CLUH: variants seen among roughly 807,000 people sequenced by gnomAD.
CLUH encodes the protein CLUH binding protein of NUMT mRNA.
In CLUH, 77 loss-of-function variants were observed where a neutral mutation model predicts 139.3. The observed-to-expected ratio is 0.55, with a 90% CI of 0.46 to 0.67. The LOEUF (loss-of-function observed/expected upper bound fraction) is 0.67. Ranked by LOEUF, CLUH falls within the 30% of genes least tolerant of loss-of-function variation. CLUH has a pLI of 0.00. For missense variants in CLUH, 1,876 were observed against 1,875.8 expected (o/e 1.00, Z 0.00); for synonymous variants, 999 against 801.6 (o/e 1.25, Z -4.16).
At position 2,703,172 on chromosome 17, in the gene CLUH, G is replaced by C; in HGVS notation, c.475+146C>G. On this transcript the variant is annotated intron_variant, in intron 3 of 25. Coordinates refer to ENST00000651024, the MANE Select transcript of CLUH (RefSeq NM_001366661.1). The surrounding 1 kb of genome is among the most constrained non-coding windows in gnomAD (Gnocchi z 4.2). The stretch of plus-strand genomic sequence containing the variant: ...ATGGGCCGTGAAGTTGGCAGATATA[G>C]GTGTGCTGGCCTGAGAAGCAGATCT... The C allele has an allele frequency of 1.2e-6, 1 of 831,750 alleles. No individual in the cohort carries two copies. Among genetic ancestry groups the C allele is most frequent in the South Asian group, 1.7e-5 (1 of 57,218 alleles). The allele number at this position is 831,750 out of a possible 1,614,324, so 51.5% of individuals were successfully genotyped here.
At chr17:2,710,474 G>A (rs1468760963) in intron 1 of CLUH, among the ~76,000 whole-genome samples, 1 of 152,218 alleles carries the variant, frequency 6.6e-6, no homozygotes, top group Non-Finnish European at 1.5e-5. Flanking sequence ...AGCTAGGAAG[G>A]GAGATGATGA....
chr17:2,695,909 C>A (rs1228783149), intron 13 of CLUH: 35 of 587,732 alleles, frequency 6.0e-5, no homozygotes, highest in African/African-American at 7.5e-5. Context: ...CCCCGTCCCC[C>A]AGCCATGCCA....
At chr17:2,691,973 C>CCCCGCCCCGCCCCCG in intron 23 of CLUH, 31 bp downstream of exon 23, 1 of 466,826 alleles carries the variant, frequency 2.1e-6, no homozygotes, top group Non-Finnish European at 2.8e-6. Flanking sequence ...CCCCGCCCCG[C>CCCCGCCCCGCCCCCG]CCCCGCCCCC....
At chr17:2,691,562 C>CA (rs532925246) in intron 25 of CLUH, 47 bp downstream of exon 25, 5 of 1,583,586 alleles carry the variant, frequency 3.2e-6, no homozygotes, top group African/African-American at 1.3e-5. Flanking sequence ...CTCCGACTCA[C>CA]AAAAAACCCC....
chr17:2,691,946 C>CCCCCGCCCCGCCCCCGCCCCCG (rs1433504419), intron 23 of CLUH, 51 bp from the exon 24 acceptor site: 3 of 1,184,022 alleles, frequency 2.5e-6, no homozygotes, highest in Non-Finnish European at 3.3e-6. Context: ...CGCGGCCCCG[C>CCCCCGCCCCGCCCCCGCCCCCG]CCCCGCCCCG....
At position 2,691,747 on chromosome 17, in the gene CLUH, C is replaced by A. The variant is rs536028738; in HGVS notation, c.3789+14G>T. Reference sequence around the variant, plus strand: ...GCTCGCCGGGCCGGAGGGGCCGCTCCGCCCCGGACTCACCTTGAGGGGCGG... The same window carrying A: ...GCTCGCCGGGCCGGAGGGGCCGCTCAGCCCCGGACTCACCTTGAGGGGCGG... On this transcript the variant is annotated intron_variant, in intron 24 of 25. Coordinates refer to ENST00000651024, the MANE Select transcript of CLUH (RefSeq NM_001366661.1). The A allele has an allele frequency of 2.5e-6, 4 of 1,596,660 alleles. No homozygotes were observed. The highest frequency in any genetic ancestry group is 4.5e-5 in the East Asian group (2 of 44,052).
chr17:2,699,718 G>A (rs1235986071), intron 9 of CLUH, among the ~76,000 whole-genome samples: 4 of 150,662 alleles, frequency 2.7e-5, no homozygotes, highest in Non-Finnish European at 2.9e-5. Flanking sequence ...TGCAACCTCC[G>A]CCTATTGGGT....
In CLUH at chr17:2,694,854, C is replaced by T; in HGVS notation, c.2852+3G>A. 6.6e-7 allele frequency: 1 copy of T among 1,507,646 alleles called. No individual in the cohort carries two copies. Among genetic ancestry groups the T allele is most frequent in the Admixed American group, 2.2e-5 (1 of 45,838 alleles). The allele number at this position is 1,507,646 out of a possible 1,614,324, so 93.4% of individuals were successfully genotyped here. On this transcript the variant is annotated splice_donor_region_variant and intron_variant, in intron 16 of 25. Transcript: ENST00000651024. ...CACCCCACCGCCCCTGCCCCGCACGCACCACTCGAGGTCGAAGTCAAAGTA... is the reference window on the plus strand; with the variant it reads ...CACCCCACCGCCCCTGCCCCGCACGTACCACTCGAGGTCGAAGTCAAAGTA...
chr17:2,706,930 G>A lies in CLUH; in HGVS notation c.101-2366C>T, dbSNP rs982491421. Among the ~76,000 whole-genome samples, 2 of 152,310 alleles carry A rather than the reference G, an allele frequency of 1.3e-5. No individual in the cohort carries two copies. The highest frequency in any genetic ancestry group is 4.8e-5 in the African/African-American group (2 of 41,570). On this transcript the variant is annotated intron_variant, in intron 1 of 25. Transcript: ENST00000651024. This position sits in a 1 kb window ranked among gnomAD's most constrained non-coding sequence, Gnocchi z 4.6. ...GAGGACAGAAAGGAGGGACGACAAG[G>A]CAAGGTGGCCGCGGCTCCCACTCTC...
At chr17:2,701,800 C>A in intron 4 of CLUH, 63 bp from the exon 5 acceptor site, 1 of 1,563,192 alleles carries the variant, frequency 6.4e-7, no homozygotes, top group Non-Finnish European at 8.6e-7. Flanking sequence ...TCCCTACCTC[C>A]TGATGGCCGT....
At chr17:2,691,491 G>T (rs1321925042) in intron 25 of CLUH, 118 bp downstream of exon 25, 7 of 997,856 alleles carry the variant, frequency 7.0e-6, no homozygotes, top group Non-Finnish European at 1.1e-5. Context: ...AACCCGGGAG[G>T]CGGAGGCTGC....
chr17:2,707,563 CG>C lies in CLUH; in HGVS notation c.101-3000del. The C allele has an allele frequency of 5.1e-6, 5 of 985,402 alleles. No homozygotes were observed. The highest frequency in any genetic ancestry group is 6.0e-6 in the Non-Finnish European group (5 of 829,892). The allele number at this position is 985,402 out of a possible 1,614,324, so 61.0% of individuals were successfully genotyped here. A position where few individuals can be genotyped will look rare whatever the true frequency, so the allele number is the denominator to read the frequency against. Reference sequence around the variant, plus strand: ...CTGCCGGCAAAGCCGCTAGGGGGATCGGAGAACCCAGAATTTGGGGTACCTG... The same window carrying C: ...CTGCCGGCAAAGCCGCTAGGGGGATCGAGAACCCAGAATTTGGGGTACCTG... On this transcript the variant is annotated intron_variant, in intron 1 of 25. Coordinates refer to ENST00000651024, the MANE Select transcript of CLUH (RefSeq NM_001366661.1). The surrounding 1 kb of genome is among the most constrained non-coding windows in gnomAD (Gnocchi z 7.4).
At position 2,705,084 on chromosome 17, in the gene CLUH, C is replaced by T. The variant is rs573874906; in HGVS notation, c.101-520G>A. ...ATACACTCCTGCCCCGTGGCTCACA[C>T]GGCCAATCCTGTCCTCTCTCCAGCC... On this transcript the variant is annotated intron_variant, in intron 1 of 25. Coordinates refer to ENST00000651024, the MANE Select transcript of CLUH (RefSeq NM_001366661.1). Among the ~76,000 whole-genome samples, 39 of 152,012 alleles carry T rather than the reference C, an allele frequency of 2.6e-4. No homozygotes were observed. The South Asian group carries it at 6.9e-3, about 27-fold the overall frequency.
At chr17:2,708,632 G>A (rs886138689) in intron 1 of CLUH, among the ~76,000 whole-genome samples, 4 of 151,950 alleles carry the variant, frequency 2.6e-5, no homozygotes, top group African/African-American at 9.7e-5. Flanking sequence ...AAAAAGGAAA[G>A]AAAAAACAGG....
At chr17:2,697,663 C>A (rs2070007671) in intron 10 of CLUH, among the ~76,000 whole-genome samples, 1 of 152,204 alleles carries the variant, frequency 6.6e-6, no homozygotes, top group African/African-American at 2.4e-5. Context: ...AGAACAGTGT[C>A]CGCCACAGCC....
Position 2,692,351 on chromosome 17 carries a change from G to C in CLUH, c.3560+10C>G. ...CGCCGGCCTTGGCGTTTGGACGGGCGGCCCCTCACCTGAGGGCCACCTTGA... is the reference window on the plus strand; with the variant it reads ...CGCCGGCCTTGGCGTTTGGACGGGCCGCCCCTCACCTGAGGGCCACCTTGA... On this transcript the variant is annotated intron_variant, in intron 22 of 25. Coordinates refer to ENST00000651024, the MANE Select transcript of CLUH (RefSeq NM_001366661.1). 1 of 1,557,694 alleles carries C rather than the reference G, an allele frequency of 6.4e-7. No individual in the cohort carries two copies. Among genetic ancestry groups the C allele is most frequent in the Non-Finnish European group, 8.6e-7 (1 of 1,159,028 alleles).
At position 2,690,127 on chromosome 17, in the gene CLUH, C is replaced by T; in HGVS notation, c.*467G>A. 1 of 156,388 alleles carries T rather than the reference C, an allele frequency of 6.4e-6. No individual in the cohort carries two copies. The highest frequency in any genetic ancestry group is 1.4e-5 in the Non-Finnish European group (1 of 70,750). 9.7% of individuals were successfully genotyped at this position (156,388 alleles called of 1,614,324 possible). On this transcript the variant is annotated 3_prime_UTR_variant, in exon 26 of 26. Transcript: ENST00000651024. ...CCCTGAACTTTCAGACAGGCTGGGCCCGGGGGTGGTGGCAGCCAAAGCAGC... is the reference window on the plus strand; with the variant it reads ...CCCTGAACTTTCAGACAGGCTGGGCTCGGGGGTGGTGGCAGCCAAAGCAGC...
rs772527087 is a variant in CLUH at position 2,691,940 on chromosome 17, G to C, written c.3655-45C>G. 4.8e-4 allele frequency: 617 copies of C among 1,298,654 alleles called. 3 individuals are homozygous for C. Among genetic ancestry groups the C allele is most frequent in the Non-Finnish European group, 5.5e-4 (552 of 1,011,372 alleles). The allele number at this position is 1,298,654 out of a possible 1,614,324, so 80.4% of individuals were successfully genotyped here. ...GATCAGGCCCCCCCGTGCCCCCGCG[G>C]CCCCGCCCCCGCCCCGCCACGCCCC... On this transcript the variant is annotated intron_variant, in intron 23 of 25. Transcript: ENST00000651024.
At chr17:2,699,524 C>T (rs1369929936) in intron 9 of CLUH, among the ~76,000 whole-genome samples, 1 of 152,118 alleles carries the variant, frequency 6.6e-6, no homozygotes, top group Non-Finnish European at 1.5e-5. Flanking sequence ...GACGAGGTTT[C>T]ACCATGTTTC....
Sources: gnomAD v4.1 joint callset for allele counts (sites outside exome capture counted in the v4.1 genomes callset) on GRCh38, gnomAD v4.1.1 for gene constraint, Gnocchi (gnomAD v3.1) non-coding constraint, MANE v1.5 for transcripts, NCBI Gene and HGNC (gene_info 2026-07-23, HGNC 2026-07-21) for gene names.